Variants in SLC24A3 observed in about 807,000 individuals in gnomAD.
SLC24A3 encodes sodium/potassium/calcium exchanger 3.
A neutral mutation model predicts 75.8 loss-of-function variants in SLC24A3; 28 were observed. The observed-to-expected ratio is 0.37, with a 90% CI of 0.27 to 0.51. The LOEUF is 0.51. SLC24A3 is among the 20% of genes least tolerant of loss of function. The pLI, the probability that SLC24A3 is intolerant of heterozygous loss-of-function variation, is 0.94. For missense variants in SLC24A3, 663 were observed against 847.8 expected (o/e 0.78, Z 2.71); for synonymous variants, 372 against 334.1 (o/e 1.11, Z -1.24).
At chr20:19,238,331 T>C (rs1456988607) in intron 1 of SLC24A3, among the ~76,000 whole-genome samples, 1 of 152,246 alleles carries the variant, frequency 6.6e-6, no homozygotes, top group Non-Finnish European at 1.5e-5. Context: ...TTATTCATTA[T>C]TGTTGCCGTT....
chr20:19,332,540 A>G (rs993582136), intron 2 of SLC24A3, among the ~76,000 whole-genome samples: 3 of 152,190 alleles, frequency 2.0e-5, no homozygotes, highest in Non-Finnish European at 2.9e-5. Flanking sequence ...ACTTTGACAC[A>G]TGCCAAGAAT....
At chr20:19,428,825 G>A (rs1366042583) in intron 2 of SLC24A3, among the ~76,000 whole-genome samples, 1 of 152,146 alleles carries the variant, frequency 6.6e-6, no homozygotes, top group Admixed American at 6.5e-5. Context: ...CAGGAGGTGG[G>A]TGTGAAGAGG....
intron 1 of SLC24A3, among the ~76,000 whole-genome samples, chr20:19,227,156 T>C (rs1485302504): frequency 2.6e-5 from 4 of 152,244 alleles, no homozygotes; most frequent in Non-Finnish European, 5.9e-5. Context: ...TATTTTTAAT[T>C]CAATTTGATT....
At chr20:19,243,915 G>A (rs1485274876) in intron 1 of SLC24A3, 2 of 152,122 alleles carry the variant, frequency 1.3e-5, no homozygotes, top group Admixed American at 6.6e-5. Flanking sequence ...CATCTCCTGA[G>A]CATGATTCCA....
At chr20:19,337,431 C>A (rs947793692) in intron 2 of SLC24A3, among the ~76,000 whole-genome samples, 1 of 150,382 alleles carries the variant, frequency 6.6e-6, no homozygotes, top group Non-Finnish European at 1.5e-5. Context: ...GCAACAAGAG[C>A]GAAACTCCAT....
chr20:19,295,809 T>G (rs1248206477), intron 2 of SLC24A3, among the ~76,000 whole-genome samples: 1 of 141,762 alleles, frequency 7.1e-6, no homozygotes, highest in Non-Finnish European at 1.6e-5. Context: ...TGGCCTTAAG[T>G]TTTTTTTTTT....
intron 2 of SLC24A3, among the ~76,000 whole-genome samples, chr20:19,366,083 C>T (rs1985885067): frequency 6.6e-6 from 1 of 152,156 alleles, no homozygotes; most frequent in African/African-American, 2.4e-5. Context: ...GATTAACTTG[C>T]CCCATGATCT....
chr20:19,530,142 T>G (rs1476864339), intron 3 of SLC24A3, among the ~76,000 whole-genome samples: 1 of 152,176 alleles, frequency 6.6e-6, no homozygotes, highest in Non-Finnish European at 1.5e-5. Context: ...GTGAATGTAT[T>G]CATATATACT....
At chr20:19,379,358 G>T (rs1033876349) in intron 2 of SLC24A3, among the ~76,000 whole-genome samples, 1 of 152,174 alleles carries the variant, frequency 6.6e-6, no homozygotes, top group Non-Finnish European at 1.5e-5. Context: ...TGGAGATAAG[G>T]CTGGAAGGCC....
intron 6 of SLC24A3, among the ~76,000 whole-genome samples, chr20:19,644,289 T>A (rs1389176655): frequency 6.6e-6 from 1 of 152,100 alleles, no homozygotes; most frequent in Non-Finnish European, 1.5e-5. Flanking sequence ...TTCATGGGTG[T>A]GACTCAGACC....
At chr20:19,506,037 A>G (rs1451020154) in intron 2 of SLC24A3, among the ~76,000 whole-genome samples, 1 of 152,210 alleles carries the variant, frequency 6.6e-6, no homozygotes, top group Non-Finnish European at 1.5e-5. Context: ...AATCCTCATA[A>G]TAACCACATA....
chr20:19,438,729 C>T (rs745850401), intron 2 of SLC24A3, among the ~76,000 whole-genome samples: 5 of 152,042 alleles, frequency 3.3e-5, no homozygotes, highest in Admixed American at 2.0e-4. Context: ...GCTCATTGGC[C>T]TCTGCACCTG....
chr20:19,666,363 G>A (rs375626467), intron 8 of SLC24A3, among the ~76,000 whole-genome samples: 1 of 151,882 alleles, frequency 6.6e-6, no homozygotes, highest in Non-Finnish European at 1.5e-5. Context: ...AAAATTAGCC[G>A]GGCATGGTGG....
rs543921300 is a variant in SLC24A3, at chr20:19,570,630, G to T, written c.349-9370G>T. 3.9e-5 allele frequency among the ~76,000 whole-genome samples: 6 copies of T among 152,262 alleles called. No homozygotes were observed. In the South Asian group the frequency reaches 1.0e-3, roughly 26 times the overall value. On this transcript the variant is annotated intron_variant, in intron 3 of 16. Transcript: ENST00000328041. ...ACTTTGTTAATACATTGGATAGAAG[G>T]TCTAGCGTTAGGTCTCATAGCTACT...
chr20:19,336,683 GCCACCCC>G (rs1188465054), intron 2 of SLC24A3, among the ~76,000 whole-genome samples: 3,300 of 23,756 alleles, frequency 0.14, 214 homozygotes, highest in African/African-American at 0.32. Flanking sequence ...GTGCCCGCCC[GCCACCCC>G]CCACCCCCCA....
At chr20:19,671,111 C>T (rs974669579) in intron 8 of SLC24A3, among the ~76,000 whole-genome samples, 1 of 152,090 alleles carries the variant, frequency 6.6e-6, no homozygotes, top group Non-Finnish European at 1.5e-5. Context: ...CGGGCAGGGG[C>T]AGGCAGGGAA....
intron 2 of SLC24A3, among the ~76,000 whole-genome samples, chr20:19,351,493 G>A (rs891226048): frequency 3.9e-5 from 6 of 152,138 alleles, no homozygotes; most frequent in Admixed American, 6.5e-5. Flanking sequence ...CCTGGCCTGC[G>A]AGTCAACTTG....
At chr20:19,485,823 C>A (rs1453963521) in intron 2 of SLC24A3, among the ~76,000 whole-genome samples, 1 of 151,888 alleles carries the variant, frequency 6.6e-6, no homozygotes, top group Non-Finnish European at 1.5e-5. Context: ...AAACAAAGTG[C>A]CCCCCATGGG....
Position 19,326,577 on chromosome 20 carries a change from CT to C in SLC24A3, c.271+45505del, listed in dbSNP as rs57226310. Among the ~76,000 whole-genome samples, 761 of 138,912 alleles carry C rather than the reference CT, an allele frequency of 5.5e-3. 2 individuals carry two copies. Among genetic ancestry groups the C allele is most frequent in the East Asian group, 0.021 (99 of 4,728 alleles). 91.1% of individuals were successfully genotyped at this position (138,912 alleles called of 152,430 possible). On this transcript the variant is annotated intron_variant, in intron 2 of 16. Transcript: ENST00000328041. The stretch of plus-strand genomic sequence containing the variant: ...TTCAGTTTTTTCTTTCTTTTCTTTT[CT>C]TTTTTTTTTTTTTTCTTGAGATAGT...
Sources: allele counts gnomAD v4.1 joint callset (sites outside exome capture counted in the v4.1 genomes callset), GRCh38; gene constraint gnomAD v4.1.1; transcripts MANE v1.5; gene names NCBI Gene and HGNC (gene_info 2026-07-23, HGNC 2026-07-21).